The following CBFA2T3 variants were observed in gnomAD, a reference collection of about 807,000 sequenced individuals.
CBFA2T3 encodes the protein transcriptional corepressor CBFA2T3.
Under a neutral mutation model 58.6 loss-of-function variants are expected in CBFA2T3, and 31 were observed. The ratio of observed to expected loss-of-function variants is 0.53; its 90% CI spans 0.40 to 0.71. The LOEUF (loss-of-function observed/expected upper bound fraction) is 0.71, where lower values mean the gene tolerates loss of function less well. Ranked by LOEUF, CBFA2T3 falls within the 30% of genes least tolerant of loss-of-function variation. CBFA2T3 has a pLI of 0.00. For missense variants in CBFA2T3, 1,076 were observed against 963.1 expected (o/e 1.12, Z -1.55); for synonymous variants, 531 against 421.9 (o/e 1.26, Z -3.17).
intron 2 of CBFA2T3, among the ~76,000 whole-genome samples, chr16:88,898,498 G>A (rs516076): frequency 0.045 from 6,906 of 152,280 alleles, 501 homozygotes; most frequent in African/African-American, 0.16. Context: ...GATCCCTAAG[G>A]GCCGTTCTGG....
intron 1 of CBFA2T3, among the ~76,000 whole-genome samples, chr16:88,965,655 A>G (rs1371019790): frequency 1.3e-5 from 2 of 152,122 alleles, no homozygotes; most frequent in East Asian, 3.9e-4. Flanking sequence ...TGCAGCTGTC[A>G]CCTTATTTAT....
At position 88,953,195 on chromosome 16, in the gene CBFA2T3, C is replaced by G. The variant is rs567402689; in HGVS notation, c.151+23462G>C. Among the ~76,000 whole-genome samples, 45 of 152,360 alleles carry G rather than the reference C, an allele frequency of 3.0e-4. No individual in the cohort carries two copies. Among genetic ancestry groups the G allele is most frequent in the African/African-American group, 1.1e-3 (44 of 41,594 alleles). On this transcript the variant is annotated intron_variant, in intron 1 of 11. Coordinates refer to ENST00000268679, the MANE Select transcript of CBFA2T3 (RefSeq NM_005187.6). This position sits in a 1 kb window ranked among gnomAD's most constrained non-coding sequence, Gnocchi z 4.9. The stretch of plus-strand genomic sequence containing the variant: ...GGGCTGGGCCATCGCCTCTCTCCCT[C>G]GGCTGGGTTTGTCATGCTCAGCCAG...
At chr16:88,942,858 G>C (rs139956715) in intron 1 of CBFA2T3, among the ~76,000 whole-genome samples, 1 of 150,044 alleles carries the variant, frequency 6.7e-6, no homozygotes, top group African/African-American at 2.5e-5. Context: ...CAGACTGTGC[G>C]TAACATGGTG....
chr16:88,940,922 G>A, intron 1 of CBFA2T3: 4 of 611,156 alleles, frequency 6.5e-6, no homozygotes, highest in Non-Finnish European at 8.2e-6. Flanking sequence ...AAAACGGCCC[G>A]TGCGCTCGGC....
intron 1 of CBFA2T3, among the ~76,000 whole-genome samples, chr16:88,975,181 T>TGTCAGAGGTCCACCCTGACC (rs1567643999): frequency 0.013 from 626 of 47,656 alleles, 9 homozygotes; most frequent in Middle Eastern, 0.048. Flanking sequence ...CTGCTCCACA[T>TGTCAGAGGTCCACCCTGACC]CTTTAGCCAT....
At position 88,895,883 on chromosome 16, in the gene CBFA2T3, G is replaced by A. The variant is rs558999916; in HGVS notation, c.379+2195C>T. Among the ~76,000 whole-genome samples the A allele has an allele frequency of 8.5e-5, 13 of 152,304 alleles. No homozygotes were observed. The South Asian group carries it at 2.1e-3, about 24-fold the overall frequency. On this transcript the variant is annotated intron_variant, in intron 3 of 11. Coordinates refer to ENST00000268679, the MANE Select transcript of CBFA2T3 (RefSeq NM_005187.6). ...ACGTGCCCTGTGAGTCAGACTCGGC[G>A]CCTAGCCTCAGTTTCTTCATTTGCA...
chr16:88,891,957 C>T lies in CBFA2T3; in HGVS notation c.636G>A (p.Thr212=), dbSNP rs757807697. The T allele has an allele frequency of 8.7e-6, 14 of 1,612,910 alleles. No individual in the cohort carries two copies. Among genetic ancestry groups the T allele is most frequent in the East Asian group, 2.2e-5 (1 of 44,876 alleles). ...LVLGLVNSTL[T]IEEFHSKLQE... ...GAAGCTTGGAATGAAACTCCTCGAT[C>T]GTCAATGTCGAGTTCTGCAGGGGAG... The change falls in exon 5 of 12, where the codon ACG becomes ACA. Residue 212 remains threonine (T), a synonymous_variant. Transcript: ENST00000268679.
In CBFA2T3 at chr16:88,876,882, G is replaced by A; in HGVS notation, c.*94C>T. ...TCAGGCGGGGCGCAGTGTCTGGCAGGCCAGGCATCGGAGGCCAGGCACAGC... is the reference window on the plus strand; with the variant it reads ...TCAGGCGGGGCGCAGTGTCTGGCAGACCAGGCATCGGAGGCCAGGCACAGC... On this transcript the variant is annotated 3_prime_UTR_variant, in exon 12 of 12. Transcript: ENST00000268679. 1 of 1,030,076 alleles carries A rather than the reference G, an allele frequency of 9.7e-7. No individual in the cohort carries two copies. The highest frequency in any genetic ancestry group is 1.7e-5 in the African/African-American group (1 of 58,634). 63.8% of individuals were successfully genotyped at this position (1,030,076 alleles called of 1,614,324 possible).
At chr16:88,907,426 C>T (rs906078326) in intron 1 of CBFA2T3, among the ~76,000 whole-genome samples, 1 of 152,224 alleles carries the variant, frequency 6.6e-6, no homozygotes, top group Admixed American at 6.5e-5. Context: ...GGCTCAGAGG[C>T]AGGTGGGCAG....
intron 1 of CBFA2T3, among the ~76,000 whole-genome samples, chr16:88,968,471 C>T (rs1050368449): frequency 4.6e-5 from 7 of 152,218 alleles, no homozygotes; most frequent in African/African-American, 1.2e-4. Flanking sequence ...GCCTCAGCTG[C>T]GTCTCAGGAG....
chr16:88,898,175 AC>A, intron 2 of CBFA2T3, 23 bp from the exon 3 acceptor site: 1 of 1,592,080 alleles, frequency 6.3e-7, no homozygotes. Flanking sequence ...TAAGAAGAAC[AC>A]GCTGTCAGGA....
intron 1 of CBFA2T3, among the ~76,000 whole-genome samples, chr16:88,969,661 G>A (rs1057061880): frequency 1.3e-5 from 2 of 152,212 alleles, no homozygotes; most frequent in East Asian, 1.9e-4. Context: ...GCCTGACGAC[G>A]CACAGACCTC....
At chr16:88,918,600 G>C (rs996283633) in intron 1 of CBFA2T3, among the ~76,000 whole-genome samples, 1 of 152,264 alleles carries the variant, frequency 6.6e-6, no homozygotes, top group Admixed American at 6.5e-5. Context: ...GTTTTATGTT[G>C]TGAGCCCCAC....
chr16:88,877,472 C>A (rs913328170), intron 11 of CBFA2T3, among the ~76,000 whole-genome samples, 197 bp from the exon 12 acceptor site: 2 of 152,208 alleles, frequency 1.3e-5, no homozygotes, highest in Non-Finnish European at 2.9e-5. Context: ...ATCCCACTAC[C>A]GTGTCTCACG....
At chr16:88,909,131 G>C (rs552676256) in intron 1 of CBFA2T3, among the ~76,000 whole-genome samples, 2 of 152,214 alleles carry the variant, frequency 1.3e-5, no homozygotes, top group African/African-American at 4.8e-5. Context: ...TACTCCAGCC[G>C]AACCCTCATC....
intron 1 of CBFA2T3, among the ~76,000 whole-genome samples, chr16:88,925,827 G>C (rs1971068631): frequency 6.6e-6 from 1 of 152,222 alleles, no homozygotes; most frequent in Non-Finnish European, 1.5e-5. Flanking sequence ...CTGCGGCATA[G>C]GGAGCCCCGG....
chr16:88,939,483 GCTT>G (rs1270414203), intron 1 of CBFA2T3: 2 of 152,284 alleles, frequency 1.3e-5, no homozygotes, highest in African/African-American at 4.8e-5. Context: ...TGCTCTGGGC[GCTT>G]CTTCCTTTCT....
intron 1 of CBFA2T3, among the ~76,000 whole-genome samples, chr16:88,921,968 A>C (rs1168446300): frequency 6.6e-6 from 1 of 152,224 alleles, no homozygotes; most frequent in Non-Finnish European, 1.5e-5. Context: ...CACGTGTCAA[A>C]GCTGAGGCCC....
intron 1 of CBFA2T3, among the ~76,000 whole-genome samples, chr16:88,912,018 C>G (rs563760168): frequency 1.3e-5 from 2 of 152,248 alleles, no homozygotes; most frequent in Admixed American, 1.3e-4. Context: ...GTGCAGAGGT[C>G]CCGTCTGTCA....
Sources: gnomAD v4.1 joint callset for allele counts (sites outside exome capture counted in the v4.1 genomes callset) on GRCh38, gnomAD v4.1.1 for gene constraint, Gnocchi (gnomAD v3.1) non-coding constraint, MANE v1.5 for transcripts, NCBI Gene and HGNC (gene_info 2026-07-23, HGNC 2026-07-21) for gene names.